The following DUSP16 variants were observed in gnomAD, a reference collection of about 807,000 sequenced individuals.
DUSP16 encodes the protein dual specificity protein phosphatase 16.
Under a neutral mutation model 58.3 loss-of-function variants are expected in DUSP16, and 21 were observed. The observed-to-expected ratio is 0.36, with a 90% CI of 0.26 to 0.52. The LOEUF (loss-of-function observed/expected upper bound fraction) is 0.52. DUSP16 is among the 20% of genes least tolerant of loss of function. The pLI, the probability that DUSP16 is intolerant of heterozygous loss-of-function variation, is 0.94. For missense variants in DUSP16, 726 were observed against 819.0 expected (o/e 0.89, Z 1.39); for synonymous variants, 320 against 323.8 (o/e 0.99, Z 0.12).
At chr12:12,538,109 G>A (rs887600663) in intron 1 of DUSP16, among the ~76,000 whole-genome samples, 4 of 152,178 alleles carry the variant, frequency 2.6e-5, no homozygotes, top group African/African-American at 7.2e-5. Context: ...TGTCCCAGGA[G>A]GTTCAGAGAA....
intron 1 of DUSP16, among the ~76,000 whole-genome samples, chr12:12,538,012 A>T (rs1944494933): frequency 6.6e-6 from 1 of 152,180 alleles, no homozygotes; most frequent in Non-Finnish European, 1.5e-5. Context: ...TCACTTAGAA[A>T]CTTGATAAAA....
intron 1 of DUSP16, among the ~76,000 whole-genome samples, chr12:12,537,204 G>A (rs1426565808): frequency 4.0e-5 from 6 of 151,884 alleles, no homozygotes; most frequent in African/African-American, 1.5e-4. Flanking sequence ...TTAATAAGAC[G>A]TAACTCATGT....
chr12:12,495,356 A>G (rs966915880), intron 4 of DUSP16, among the ~76,000 whole-genome samples: 3 of 152,188 alleles, frequency 2.0e-5, no homozygotes, highest in African/African-American at 7.2e-5. Context: ...GTTCATCTGC[A>G]AAGTGAAGAC....
rs190043530 is a variant in DUSP16 at position 12,531,207 on chromosome 12, G to T, written c.-365-9744C>A. On this transcript the variant is annotated intron_variant, in intron 1 of 6. Coordinates refer to ENST00000298573, the MANE Select transcript of DUSP16 (RefSeq NM_030640.3). ...GTTATAATTTAATTTTTCCAAACAG[G>T]ACTGGAAGGCTCTAGGAGCAAGCAA... 2.6e-4 allele frequency among the ~76,000 whole-genome samples: 39 copies of T among 152,182 alleles called. No individual in the cohort carries two copies. In the East Asian group the frequency reaches 6.0e-3, roughly 23 times the overall value.
chr12:12,506,800 T>TA (rs1287942769), intron 3 of DUSP16, among the ~76,000 whole-genome samples: 1 of 152,228 alleles, frequency 6.6e-6, no homozygotes, highest in African/African-American at 2.4e-5. Flanking sequence ...ACCGCAATGC[T>TA]AAAACCCATG....
intron 1 of DUSP16, among the ~76,000 whole-genome samples, chr12:12,522,730 A>C (rs1052810076): frequency 6.6e-6 from 1 of 151,862 alleles, no homozygotes; most frequent in South Asian, 2.1e-4. Context: ...CACCCAGCTA[A>C]TTTTTGTACT....
intron 4 of DUSP16, among the ~76,000 whole-genome samples, chr12:12,496,243 G>A (rs1030181743): frequency 5.3e-5 from 8 of 152,182 alleles, no homozygotes; most frequent in Non-Finnish European, 1.0e-4. Context: ...AGACATTGAA[G>A]AAATATTTTA....
chr12:12,534,777 T>C (rs908169052), intron 1 of DUSP16, among the ~76,000 whole-genome samples: 1 of 152,260 alleles, frequency 6.6e-6, no homozygotes, highest in Admixed American at 6.5e-5. Context: ...TATTTTATCA[T>C]CTATCAGCCT....
chr12:12,494,125 T>C (rs1943797320), intron 4 of DUSP16, among the ~76,000 whole-genome samples: 1 of 152,238 alleles, frequency 6.6e-6, no homozygotes, highest in Admixed American at 6.5e-5. Context: ...CCTTCATATA[T>C]GTTCCTTGCA....
Position 12,500,616 on chromosome 12 carries a change from G to C in DUSP16, c.434C>G (p.Thr145Ser). 5 of 1,612,020 alleles carry C rather than the reference G, an allele frequency of 3.1e-6. No individual in the cohort carries two copies. The South Asian group carries it at 4.4e-5, about 14-fold the overall frequency. The stretch of plus-strand genomic sequence containing the variant: ...AGGTAAGCAAGGCTGAGAAATGCAG[G>C]TAGGGACTAGAGTGGATTTTCCTTC... ...LCEGKSTLVP[T>S]CISQPCLPVA... Residue 145 changes from threonine to serine, a missense_variant, in exon 4 of 7, where the codon ACC becomes AGC. Transcript: ENST00000298573.
chr12:12,481,165 A>G (rs965920719), intron 5 of DUSP16, among the ~76,000 whole-genome samples: 1 of 152,182 alleles, frequency 6.6e-6, no homozygotes, highest in Admixed American at 6.5e-5. Context: ...CTTCCTTGAT[A>G]CCAGGAGTTA....
chr12:12,545,675 C>T (rs1944631508), intron 1 of DUSP16, among the ~76,000 whole-genome samples: 1 of 152,132 alleles, frequency 6.6e-6, no homozygotes, highest in Non-Finnish European at 1.5e-5. Context: ...ACCAAATGTA[C>T]ACTGTAATGT....
In DUSP16 at chr12:12,474,394, T is replaced by G. The variant is rs931727793; in HGVS notation, c.*2439A>C. 4 of 152,034 alleles carry G rather than the reference T, an allele frequency of 2.6e-5. No homozygotes were observed. The highest frequency in any genetic ancestry group is 2.6e-4 in the Admixed American group (4 of 15,266). The allele number at this position is 152,034 out of a possible 1,614,324, so 9.4% of individuals were successfully genotyped here. A position where few individuals can be genotyped will look rare whatever the true frequency, so the allele number is the denominator to read the frequency against. On this transcript the variant is annotated 3_prime_UTR_variant, in exon 7 of 7. Transcript: ENST00000298573. ...GTCTTTCCATCTAACTTTACACATG[T>G]CCTAAATCATTTTCCAGCACTTCTC...
At chr12:12,542,388 G>GAAAAA (rs56822339) in intron 1 of DUSP16, among the ~76,000 whole-genome samples, 19 of 109,638 alleles carry the variant, frequency 1.7e-4, no homozygotes, top group Non-Finnish European at 2.3e-4. Context: ...AAAGAAAAGA[G>GAAAAA]AAAAAAAAAA....
At chr12:12,548,944 G>T (rs901890383) in intron 1 of DUSP16, among the ~76,000 whole-genome samples, 1 of 152,128 alleles carries the variant, frequency 6.6e-6, no homozygotes, top group African/African-American at 2.4e-5. Context: ...ATGAAAAGCA[G>T]AGACTAGGGT....
chr12:12,527,843 T>A (rs2136238507), intron 1 of DUSP16, among the ~76,000 whole-genome samples: 1 of 152,262 alleles, frequency 6.6e-6, no homozygotes, highest in East Asian at 1.9e-4. Flanking sequence ...CGCACTGACA[T>A]ACCACACTGT....
intron 4 of DUSP16, among the ~76,000 whole-genome samples, chr12:12,498,757 ATTCTTAT>A (rs1171917558): frequency 6.6e-6 from 1 of 152,164 alleles, no homozygotes; most frequent in African/African-American, 2.4e-5. Context: ...TTAATAGTTT[ATTCTTAT>A]TTCTCACCAT....
intron 4 of DUSP16, among the ~76,000 whole-genome samples, chr12:12,487,828 G>C (rs1196640720): frequency 2.6e-5 from 4 of 152,006 alleles, no homozygotes; most frequent in African/African-American, 9.7e-5. Context: ...TCCCCAAATT[G>C]GTTTAGGGTA....
At chr12:12,508,643 C>A (rs545756845) in intron 3 of DUSP16, among the ~76,000 whole-genome samples, 1 of 148,868 alleles carries the variant, frequency 6.7e-6, no homozygotes, top group South Asian at 2.1e-4. Context: ...TGGATAGATA[C>A]GCATTTCTCT....
Sources: allele counts gnomAD v4.1 joint callset (sites outside exome capture counted in the v4.1 genomes callset), GRCh38; gene constraint gnomAD v4.1.1; transcripts MANE v1.5; gene names NCBI Gene and HGNC (gene_info 2026-07-23, HGNC 2026-07-21).